The following DAB1 variants were observed in gnomAD, a reference collection of about 807,000 sequenced individuals.
DAB1 encodes the protein disabled homolog 1.
Under a neutral mutation model 64.6 loss-of-function variants are expected in DAB1, and 15 were observed. That is an observed-to-expected ratio of 0.23 (90% CI 0.16 to 0.36). DAB1 has a LOEUF of 0.36. Among genes scored for constraint, DAB1 ranks in the 10% least tolerant of loss-of-function variants. DAB1 has a pLI of 1.00. For missense variants in DAB1, 596 were observed against 706.7 expected (o/e 0.84, Z 1.78); for synonymous variants, 235 against 251.9 (o/e 0.93, Z 0.64).
chr1:57,997,099 A>G (rs1002334923), intron 5 of DAB1, among the ~76,000 whole-genome samples: 1 of 152,094 alleles, frequency 6.6e-6, no homozygotes, highest in African/African-American at 2.4e-5. Context: ...ATAAAAAAAC[A>G]CCTGAATCTG....
intron 5 of DAB1, among the ~76,000 whole-genome samples, chr1:58,057,674 C>T (rs2764676): frequency 0.5 from 75,726 of 151,980 alleles, 19,554 homozygotes; most frequent in Non-Finnish European, 0.56. Flanking sequence ...ATAGCTTTGC[C>T]GACACCTTGG....
intron 5 of DAB1, among the ~76,000 whole-genome samples, chr1:58,089,973 C>T (rs182238579): frequency 1.4e-4 from 22 of 152,330 alleles, no homozygotes; most frequent in African/African-American, 4.8e-4. Context: ...GACTCAACAT[C>T]GCAGCTGCAA....
intron 4 of DAB1, among the ~76,000 whole-genome samples, chr1:58,187,940 G>A (rs1027189334): frequency 2.3e-4 from 29 of 128,160 alleles, no homozygotes; most frequent in Non-Finnish European, 4.2e-4. Flanking sequence ...ACAGAGTCTC[G>A]CTCTTACACC....
rs181490793 is a variant in DAB1 at position 57,130,649 on chromosome 1, C to T, written c.306+5894G>A. 1.5e-3 allele frequency among the ~76,000 whole-genome samples: 230 copies of T among 151,484 alleles called. 1 individual carries two copies. The highest frequency in any genetic ancestry group is 2.1e-3 in the Non-Finnish European group (140 of 67,922). ...GGGATATTATGTTAAGTGAAATAAG[C>T]CAGGAACAGAAAGACAAATATCACA... is the stretch of plus-strand genomic sequence containing the variant. On this transcript the variant is annotated intron_variant, in intron 4 of 14. Transcript: ENST00000371236.
rs753891761 is a variant in DAB1, at chr1:57,011,142, T to G, written c.1572+3A>C. The G allele has an allele frequency of 7.4e-6, 12 of 1,613,870 alleles. No homozygotes were observed. Among genetic ancestry groups the G allele is most frequent in the Non-Finnish European group, 9.3e-6 (11 of 1,179,858 alleles). On this transcript the variant is annotated splice_donor_region_variant and intron_variant, in intron 13 of 14. Coordinates refer to ENST00000371236, the MANE Select transcript of DAB1 (RefSeq NM_001365792.1). The stretch of plus-strand genomic sequence containing the variant: ...ACAAACAAATAACAAACTGGTCACT[T>G]ACAGCTTCTTGCTCTTCGCTTTTGC...
chr1:58,073,889 T>C (rs1649430626), intron 5 of DAB1, among the ~76,000 whole-genome samples: 1 of 152,128 alleles, frequency 6.6e-6, no homozygotes, highest in African/African-American at 2.4e-5. Flanking sequence ...GCTCACTCTC[T>C]AAGGGAAGCA....
chr1:57,282,259 T>G (rs188530556), intron 2 of DAB1, among the ~76,000 whole-genome samples: 63 of 146,304 alleles, frequency 4.3e-4, no homozygotes, highest in African/African-American at 1.6e-3. Context: ...CAAGAGCAAG[T>G]GCATAGGGTA....
intron 5 of DAB1, among the ~76,000 whole-genome samples, chr1:58,149,781 T>C (rs902607476): frequency 1.3e-5 from 2 of 152,196 alleles, no homozygotes; most frequent in Admixed American, 6.5e-5. Context: ...ACTCACACTA[T>C]TATTTTTGCA....
At chr1:58,388,019 GC>G (rs559809601) in intron 3 of DAB1, among the ~76,000 whole-genome samples, 1 of 152,320 alleles carries the variant, frequency 6.6e-6, no homozygotes, top group East Asian at 1.9e-4. Flanking sequence ...GAGCCACCAT[GC>G]CTGGCCAGGA....
intron 7 of DAB1, among the ~76,000 whole-genome samples, chr1:57,591,800 A>G (rs1645448462): frequency 6.6e-6 from 1 of 152,182 alleles, no homozygotes; most frequent in South Asian, 2.1e-4. Flanking sequence ...AGGTGTGCAA[A>G]TGTCTGCAGT....
intron 5 of DAB1, among the ~76,000 whole-genome samples, chr1:58,145,746 T>C (rs1654553454): frequency 6.6e-6 from 1 of 152,224 alleles, no homozygotes; most frequent in South Asian, 2.1e-4. Context: ...ACCTACTACA[T>C]CTGCTGGTCC....
intron 2 of DAB1, among the ~76,000 whole-genome samples, chr1:57,245,642 T>C (rs944948040): frequency 2.6e-4 from 40 of 152,246 alleles, no homozygotes; most frequent in Admixed American, 1.6e-3. Flanking sequence ...TAGTATTCCA[T>C]GGTGTATATG....
intron 4 of DAB1, among the ~76,000 whole-genome samples, chr1:57,091,112 C>A (rs1653630738): frequency 6.6e-6 from 1 of 152,146 alleles, no homozygotes; most frequent in Non-Finnish European, 1.5e-5. Flanking sequence ...TTTCTTCTTG[C>A]CACATCCCCT....
intron 11 of DAB1, among the ~76,000 whole-genome samples, chr1:57,022,303 TCTTA>T (rs145205511): frequency 6.6e-6 from 1 of 152,342 alleles, no homozygotes; most frequent in Non-Finnish European, 1.5e-5. Flanking sequence ...GATGGAAAAC[TCTTA>T]CTCTTATTTA....
rs575866205 is a variant in DAB1, at chr1:58,356,702, G to A, written n.258-13299C>T. ...GTTTGGATCAGAGAGTAGGTAGGCCGTGGATCCCATAGGATTTTTTTCCCC... is the reference window on the plus strand; with the variant it reads ...GTTTGGATCAGAGAGTAGGTAGGCCATGGATCCCATAGGATTTTTTTCCCC... On this transcript the variant is annotated intron_variant and non_coding_transcript_variant, in intron 3 of 20. Coordinates refer to the DAB1 transcript ENST00000485760. Among the ~76,000 whole-genome samples the A allele has an allele frequency of 9.3e-4, 141 of 152,196 alleles. No homozygotes were observed. The South Asian group carries it at 1.0e-2, about 11-fold the overall frequency.
chr1:57,068,685 G>A (rs1651161925), intron 8 of DAB1, among the ~76,000 whole-genome samples: 2 of 152,150 alleles, frequency 1.3e-5, no homozygotes, highest in South Asian at 4.1e-4. Context: ...ACACTTTGGT[G>A]GAAGACCATG....
chr1:57,187,947 C>A (rs1242907736), intron 2 of DAB1, among the ~76,000 whole-genome samples: 2 of 152,084 alleles, frequency 1.3e-5, no homozygotes, highest in African/African-American at 4.8e-5. Context: ...GACAGACACC[C>A]CACAAGGAGA....
At chr1:57,297,123 A>C (rs78537439) in intron 1 of DAB1, among the ~76,000 whole-genome samples, 6,741 of 152,214 alleles carry the variant, frequency 0.044, 492 homozygotes, top group African/African-American at 0.15. Flanking sequence ...GCATTTAAGA[A>C]ATCGGAAGGG....
intron 5 of DAB1, among the ~76,000 whole-genome samples, chr1:57,987,200 G>A (rs1031417942): frequency 2.6e-5 from 4 of 152,142 alleles, no homozygotes; most frequent in Non-Finnish European, 4.4e-5. Flanking sequence ...TTTATAGGAC[G>A]CTCTTCAGAT....
Sources: allele counts gnomAD v4.1 joint callset (sites outside exome capture counted in the v4.1 genomes callset), GRCh38; gene constraint gnomAD v4.1.1; transcripts MANE v1.5; gene names NCBI Gene and HGNC (gene_info 2026-07-23, HGNC 2026-07-21).